The following NRG1 variants were observed in gnomAD, a reference collection of about 807,000 sequenced individuals.
NRG1 encodes pro-neuregulin-1, membrane-bound isoform.
In NRG1, 18 loss-of-function variants were observed where a neutral mutation model predicts 63.8. The observed-to-expected ratio is 0.28, with a 90% CI of 0.19 to 0.42. The LOEUF (loss-of-function observed/expected upper bound fraction) is 0.42, where lower values mean the gene tolerates loss of function less well. Ranked by LOEUF, NRG1 falls within the 10% of genes least tolerant of loss-of-function variation. NRG1 has a pLI of 1.00. For missense variants in NRG1, 762 were observed against 814.7 expected (o/e 0.94, Z 0.79); for synonymous variants, 302 against 301.3 (o/e 1.00, Z -0.02).
intron 1 of NRG1, among the ~76,000 whole-genome samples, chr8:31,793,694 A>G (rs958922482): frequency 6.6e-6 from 1 of 152,200 alleles, no homozygotes; most frequent in African/African-American, 2.4e-5. Flanking sequence ...ACAAAAACAA[A>G]GCTATATTTA....
At chr8:31,852,356 C>A (rs1333401656) in intron 1 of NRG1, among the ~76,000 whole-genome samples, 4 of 151,302 alleles carry the variant, frequency 2.6e-5, no homozygotes, top group Admixed American at 1.3e-4. Context: ...TCTCTGATGG[C>A]CAGTGATGGT....
At chr8:31,943,531 G>GAAATACAT (rs1554582360) in intron 1 of NRG1, among the ~76,000 whole-genome samples, 1 of 148,560 alleles carries the variant, frequency 6.7e-6, no homozygotes, top group Non-Finnish European at 1.5e-5. Context: ...AAAACCTATT[G>GAAATACAT]AAATAAATAA....
chr8:32,574,030 AT>A (rs1259770399), intron 1 of NRG1, among the ~76,000 whole-genome samples: 3 of 152,038 alleles, frequency 2.0e-5, no homozygotes, highest in African/African-American at 7.2e-5. Flanking sequence ...TATGTGCCAC[AT>A]TTTCTTAATC....
chr8:31,718,668 T>C (rs1196692845), intron 1 of NRG1, among the ~76,000 whole-genome samples: 1 of 152,210 alleles, frequency 6.6e-6, no homozygotes, highest in East Asian at 1.9e-4. Flanking sequence ...AGATATAACA[T>C]TTCAACAACA....
intron 1 of NRG1, among the ~76,000 whole-genome samples, chr8:32,466,446 G>A (rs1772471578): frequency 2.0e-5 from 3 of 151,282 alleles, no homozygotes; most frequent in Admixed American, 1.3e-4. Flanking sequence ...ATATATCCAG[G>A]TTCTGATGCC....
At chr8:32,260,240 G>T (rs1850217078) in intron 1 of NRG1, among the ~76,000 whole-genome samples, 1 of 152,180 alleles carries the variant, frequency 6.6e-6, no homozygotes. Flanking sequence ...GAAAAGCATG[G>T]GGCTGAAAGA....
intron 1 of NRG1, among the ~76,000 whole-genome samples, chr8:32,241,257 T>A (rs1339709769): frequency 6.6e-6 from 1 of 152,156 alleles, no homozygotes; most frequent in Non-Finnish European, 1.5e-5. Flanking sequence ...CCATAGAACA[T>A]CTGAGAGTCA....
intron 1 of NRG1, among the ~76,000 whole-genome samples, chr8:31,923,104 G>A (rs376411439): frequency 9.2e-5 from 14 of 152,210 alleles, no homozygotes; most frequent in African/African-American, 2.2e-4. Flanking sequence ...TTATTTCACC[G>A]TTAAGTATGA....
At chr8:32,428,389 G>T (rs1189339229) in intron 1 of NRG1, among the ~76,000 whole-genome samples, 2 of 149,916 alleles carry the variant, frequency 1.3e-5, no homozygotes, top group African/African-American at 4.9e-5. Flanking sequence ...ACATCAGCCT[G>T]GAAACAGTAT....
chr8:32,708,703 T>C (rs1418928241), intron 5 of NRG1, among the ~76,000 whole-genome samples: 2 of 152,242 alleles, frequency 1.3e-5, no homozygotes, highest in Non-Finnish European at 2.9e-5. Context: ...ATTTTTGCCC[T>C]GGCATGTTGA....
intron 1 of NRG1, among the ~76,000 whole-genome samples, chr8:31,736,976 AC>A (rs1473919645): frequency 6.6e-6 from 1 of 152,168 alleles, no homozygotes; most frequent in Non-Finnish European, 1.5e-5. Flanking sequence ...TTGGACAAAT[AC>A]ATGGTTTTGG....
intron 1 of NRG1, among the ~76,000 whole-genome samples, chr8:32,246,928 T>G (rs1420297233): frequency 1.3e-5 from 2 of 152,074 alleles, no homozygotes; most frequent in African/African-American, 2.4e-5. Flanking sequence ...TAATAAAGTG[T>G]TGTACATTTC....
At chr8:31,981,142 T>A (rs1199008791) in intron 1 of NRG1, among the ~76,000 whole-genome samples, 3 of 152,016 alleles carry the variant, frequency 2.0e-5, no homozygotes, top group Non-Finnish European at 4.4e-5. Flanking sequence ...TTTGGCCACA[T>A]ACCATACCTG....
At chr8:32,127,652 C>T (rs949844858) in intron 1 of NRG1, among the ~76,000 whole-genome samples, 1 of 151,618 alleles carries the variant, frequency 6.6e-6, no homozygotes, top group Non-Finnish European at 1.5e-5. Context: ...ATGAAGGCTC[C>T]TGTAGCTCCT....
At chr8:32,571,601 G>GT (rs1040114296) in intron 1 of NRG1, among the ~76,000 whole-genome samples, 1 of 151,562 alleles carries the variant, frequency 6.6e-6, no homozygotes, top group African/African-American at 2.4e-5. Flanking sequence ...GTTTTGTTTT[G>GT]TTTTTTTCAA....
At chr8:32,506,400 A>G (rs866943373) in intron 1 of NRG1, among the ~76,000 whole-genome samples, 47 of 152,134 alleles carry the variant, frequency 3.1e-4, no homozygotes, top group African/African-American at 1.1e-3. Context: ...TCTGCTGAGA[A>G]CTTTAAAGTC....
chr8:32,583,755 C>T (rs1038548157), intron 1 of NRG1, among the ~76,000 whole-genome samples: 1 of 152,196 alleles, frequency 6.6e-6, no homozygotes, highest in Non-Finnish European at 1.5e-5. Context: ...ATTTAGCCTA[C>T]TGTTTACAAA....
At chr8:32,158,299 A>T (rs1293784843) in intron 1 of NRG1, among the ~76,000 whole-genome samples, 1 of 151,290 alleles carries the variant, frequency 6.6e-6, no homozygotes, top group East Asian at 1.9e-4. Context: ...CTCTCTACTT[A>T]TCCGTCTGGG....
intron 1 of NRG1, among the ~76,000 whole-genome samples, chr8:31,938,955 G>C (rs1801352306): frequency 6.6e-6 from 1 of 152,158 alleles, no homozygotes; most frequent in Admixed American, 6.5e-5. Flanking sequence ...TGTTCCCGAG[G>C]AAGAAGAGAA....
Sources: gnomAD v4.1 joint callset for allele counts (sites outside exome capture counted in the v4.1 genomes callset) on GRCh38, gnomAD v4.1.1 for gene constraint, MANE v1.5 for transcripts, NCBI Gene and HGNC (gene_info 2026-07-23, HGNC 2026-07-21) for gene names.